SNX3: variants seen among roughly 807,000 people sequenced by gnomAD.
SNX3 encodes the protein sorting nexin 3.
In SNX3, 5 loss-of-function variants were observed where a neutral mutation model predicts 17.7. The ratio of observed to expected loss-of-function variants is 0.28; its 90% CI spans 0.15 to 0.59. The LOEUF is 0.59. Among genes scored for constraint, SNX3 ranks in the 20% least tolerant of loss-of-function variants. The pLI is 0.88. For synonymous variants in SNX3, 91 were observed against 76.5 expected (o/e 1.19, Z -0.99); for missense variants, 132 against 206.8 (o/e 0.64, Z 2.22).
intron 1 of SNX3, 34 bp downstream of exon 1, chr6:108,260,726 G>A (rs1245797719): frequency 1.9e-6 from 3 of 1,612,522 alleles, no homozygotes; most frequent in African/African-American, 2.7e-5. Context: ...GCCAGCGGGA[G>A]GGGTTTCTTG....
At chr6:108,212,932 G>C (rs1342120517) in intron 3 of SNX3, among the ~76,000 whole-genome samples, 1 of 140,132 alleles carries the variant, frequency 7.1e-6, no homozygotes, top group African/African-American at 2.7e-5. Flanking sequence ...CTATCACCCA[G>C]GCTAGAGTGC....
At chr6:108,214,119 T>A (rs866823458) in intron 3 of SNX3, among the ~76,000 whole-genome samples, 1 of 152,178 alleles carries the variant, frequency 6.6e-6, no homozygotes. Context: ...TGCTAATACC[T>A]CCATCTGCAA....
chr6:108,258,336 T>C (rs1299803895), intron 1 of SNX3, among the ~76,000 whole-genome samples: 1 of 151,474 alleles, frequency 6.6e-6, no homozygotes, highest in Non-Finnish European at 1.5e-5. Context: ...CGCATGCCTG[T>C]AATCCCAGCT....
At chr6:108,260,028 G>A (rs192625613) in intron 1 of SNX3, among the ~76,000 whole-genome samples, 2 of 152,282 alleles carry the variant, frequency 1.3e-5, no homozygotes, top group East Asian at 3.9e-4. Context: ...ATGAAATTAG[G>A]TATATTTTAT....
At chr6:108,216,669 T>G (rs906895727) in intron 2 of SNX3, among the ~76,000 whole-genome samples, 2 of 152,158 alleles carry the variant, frequency 1.3e-5, no homozygotes, top group Non-Finnish European at 2.9e-5. Context: ...AAATTACACA[T>G]ATTCAAAAAA....
intron 1 of SNX3, among the ~76,000 whole-genome samples, chr6:108,242,062 C>A (rs190940012): frequency 1.9e-4 from 29 of 152,258 alleles, no homozygotes; most frequent in Admixed American, 1.6e-3. Flanking sequence ...GAAAAATTAA[C>A]TGAAGGGGAT....
chr6:108,218,891 G>T (rs1370485707), intron 2 of SNX3, among the ~76,000 whole-genome samples: 1 of 152,202 alleles, frequency 6.6e-6, no homozygotes, highest in East Asian at 1.9e-4. Flanking sequence ...TCTACTAATG[G>T]GGACAGGGTT....
At chr6:108,231,390 G>A (rs984705355) in intron 1 of SNX3, among the ~76,000 whole-genome samples, 1 of 152,136 alleles carries the variant, frequency 6.6e-6, no homozygotes, top group African/African-American at 2.4e-5. Flanking sequence ...CAGCCCTCTG[G>A]TTGTTTCTTT....
At chr6:108,227,307 G>A (rs1005057257) in intron 1 of SNX3, among the ~76,000 whole-genome samples, 6 of 152,078 alleles carry the variant, frequency 3.9e-5, no homozygotes, top group Non-Finnish European at 8.8e-5. Context: ...ATTCAAATAC[G>A]TTAAGATCAA....
In SNX3 at chr6:108,213,530, T is replaced by C. The variant is rs112635577; in HGVS notation, c.383+968A>G. On this transcript the variant is annotated intron_variant, in intron 3 of 3. Coordinates refer to ENST00000230085, the MANE Select transcript of SNX3 (RefSeq NM_003795.6). ...AGCCAGACACGATGGTGCGCAACTATAATCCCAACTACTCAGGTGGCTGAG... is the reference window on the plus strand; with the variant it reads ...AGCCAGACACGATGGTGCGCAACTACAATCCCAACTACTCAGGTGGCTGAG... Among the ~76,000 whole-genome samples the C allele has an allele frequency of 5.0e-4, 75 of 151,172 alleles. 1 individual carries two copies. The highest frequency in any genetic ancestry group is 1.7e-3 in the African/African-American group (71 of 41,162).
intron 1 of SNX3, among the ~76,000 whole-genome samples, chr6:108,244,636 A>G (rs1034866916): frequency 6.7e-6 from 1 of 149,560 alleles, no homozygotes; most frequent in Admixed American, 6.7e-5. Flanking sequence ...CTATAAGAAT[A>G]TAAGTAAGGA....
At chr6:108,229,150 C>T (rs1775060248) in intron 1 of SNX3, among the ~76,000 whole-genome samples, 1 of 151,372 alleles carries the variant, frequency 6.6e-6, no homozygotes, top group Admixed American at 6.6e-5. Flanking sequence ...ATTCCTGCTA[C>T]TCCGGAGGCT....
intron 1 of SNX3, among the ~76,000 whole-genome samples, chr6:108,236,378 A>ATTTT (rs1184591793): frequency 2.3e-4 from 31 of 133,428 alleles, no homozygotes; most frequent in Non-Finnish European, 3.5e-4. Context: ...TATTATTATT[A>ATTTT]TTTTTTTTTT....
At chr6:108,255,022 A>T (rs991632113) in intron 1 of SNX3, among the ~76,000 whole-genome samples, 1 of 152,234 alleles carries the variant, frequency 6.6e-6, no homozygotes, top group African/African-American at 2.4e-5. Flanking sequence ...CTCAAGATTA[A>T]ATTTTATAGA....
chr6:108,249,047 G>GT (rs1228056009), intron 1 of SNX3, among the ~76,000 whole-genome samples: 1 of 152,098 alleles, frequency 6.6e-6, no homozygotes, highest in African/African-American at 2.4e-5. Context: ...TACATAGGGG[G>GT]TTAACATGTA....
rs1246296289 is a variant in SNX3, at chr6:108,212,149, T to A, written c.489A>T (p.Ter163CysextTer14). The A allele has an allele frequency of 6.4e-7, 1 of 1,567,456 alleles. No homozygotes were observed. Among genetic ancestry groups the A allele is most frequent in the Non-Finnish European group, 8.7e-7 (1 of 1,150,776 alleles). ...SYTPSKIRHA[*>C] ...CGTTTTTGCCCCTTCTTGCCAAATT[T>A]CAGGCATGTCTTATTTTAGATGGAG... The change falls in exon 4 of 4, where the codon TGA becomes TGT. Residue 163 changes from the stop codon to cysteine, a stop_lost. Transcript: ENST00000230085.
At chr6:108,238,094 C>A (rs1775403419) in intron 1 of SNX3, among the ~76,000 whole-genome samples, 1 of 123,498 alleles carries the variant, frequency 8.1e-6, no homozygotes, top group Admixed American at 8.3e-5. Flanking sequence ...AAAGTGAGAT[C>A]CTGTCTCAAA....
intron 1 of SNX3, among the ~76,000 whole-genome samples, chr6:108,240,096 A>G (rs1775470674): frequency 6.6e-6 from 1 of 152,224 alleles, no homozygotes; most frequent in Admixed American, 6.5e-5. Context: ...CTAGACAAAC[A>G]TGTCAAACCA....
intron 2 of SNX3, among the ~76,000 whole-genome samples, chr6:108,216,998 A>G (rs565715774): frequency 5.3e-5 from 8 of 152,192 alleles, no homozygotes; most frequent in Non-Finnish European, 8.8e-5. Flanking sequence ...TGAGAAACAA[A>G]GGAATGCTAA....
Sources: gnomAD v4.1 joint callset for allele counts (sites outside exome capture counted in the v4.1 genomes callset) on GRCh38, gnomAD v4.1.1 for gene constraint, MANE v1.5 for transcripts, NCBI Gene and HGNC (gene_info 2026-07-23, HGNC 2026-07-21) for gene names.